The following GPR161 variants were observed in gnomAD, a reference collection of about 807,000 sequenced individuals.
GPR161 encodes the protein G protein-coupled receptor 161.
Under a neutral mutation model 39.2 loss-of-function variants are expected in GPR161, and 25 were observed. That is an observed-to-expected ratio of 0.64 (90% CI 0.47 to 0.89). The LOEUF (loss-of-function observed/expected upper bound fraction) is 0.89. Ranked by LOEUF, GPR161 falls within the 40% of genes least tolerant of loss-of-function variation. GPR161 has a pLI of 0.00. For synonymous variants in GPR161, 286 were observed against 276.6 expected, an observed-to-expected ratio of 1.03 and a Z score of -0.34; for missense variants, 547 against 677.8, an observed-to-expected ratio of 0.81 and a Z score of 2.14.
At chr1:168,099,323 T>TC (rs1167573817) in intron 2 of GPR161, among the ~76,000 whole-genome samples, 1 of 151,914 alleles carries the variant, frequency 6.6e-6, no homozygotes, top group Non-Finnish European at 1.5e-5. Flanking sequence ...TAGGAAGGTT[T>TC]CCTTCACTTT....
Position 168,082,488 on chromosome 1 carries a change from C to A in GPR161, c.*3043G>T, listed in dbSNP as rs1013235230. ...TTGGTGCCTCTGGCCAGGGAAATGG[C>A]TGTGTTGAGCTGTGTGTGTGCTCTG... On this transcript the variant is annotated 3_prime_UTR_variant, in exon 6 of 6. Coordinates refer to ENST00000682931, the MANE Select transcript of GPR161 (RefSeq NM_001375883.1). 5 of 152,278 alleles carry A rather than the reference C, an allele frequency of 3.3e-5. No individual in the cohort carries two copies. Among genetic ancestry groups the A allele is most frequent in the Non-Finnish European group, 5.9e-5 (4 of 68,106 alleles). 9.4% of individuals were successfully genotyped at this position (152,278 alleles called of 1,614,324 possible). A position where few individuals can be genotyped will look rare whatever the true frequency, so the allele number is the denominator to read the frequency against.
At chr1:168,130,142 G>A (rs770885012) in intron 1 of GPR161, among the ~76,000 whole-genome samples, 7 of 152,096 alleles carry the variant, frequency 4.6e-5, no homozygotes, top group Non-Finnish European at 1.0e-4. Flanking sequence ...TGCCCTCTGG[G>A]GCACTATTTC....
intron 1 of GPR161, among the ~76,000 whole-genome samples, chr1:168,115,780 T>G (rs1257977547): frequency 2.1e-5 from 3 of 146,134 alleles, no homozygotes; most frequent in Non-Finnish European, 4.5e-5. Flanking sequence ...CAGAGAAAAT[T>G]TTTTTTTTTT....
intron 1 of GPR161, among the ~76,000 whole-genome samples, chr1:168,134,146 T>C (rs1208527583): frequency 6.6e-6 from 1 of 152,234 alleles, no homozygotes; most frequent in Non-Finnish European, 1.5e-5. Context: ...TGACTTCAGA[T>C]AGTGCTCTTA....
At chr1:168,136,640 G>T (rs1699399975) in intron 1 of GPR161, 99 bp downstream of exon 1, 3 of 1,214,026 alleles carry the variant, frequency 2.5e-6, no homozygotes, top group Non-Finnish European at 3.1e-6. Flanking sequence ...CCCGGCCCGC[G>T]CCCTGAGCCC....
chr1:168,134,099 C>G (rs2102273016), intron 1 of GPR161, among the ~76,000 whole-genome samples: 1 of 152,300 alleles, frequency 6.6e-6, no homozygotes, highest in South Asian at 2.1e-4. Context: ...CCTAAGGTCA[C>G]AAGTTTATAA....
intron 1 of GPR161, among the ~76,000 whole-genome samples, chr1:168,118,964 T>C (rs1162634714): frequency 6.6e-6 from 1 of 151,760 alleles, no homozygotes; most frequent in Non-Finnish European, 1.5e-5. Flanking sequence ...GCAAAGAAAC[T>C]GCAACCCTTT....
At position 168,084,767 on chromosome 1, in the gene GPR161, A is replaced by T; in HGVS notation, c.*764T>A. The T allele has an allele frequency of 2.3e-6, 1 of 432,304 alleles. No homozygotes were observed. The highest frequency in any genetic ancestry group is 1.7e-5 in the South Asian group (1 of 60,448). The allele number at this position is 432,304 out of a possible 1,614,324, so 26.8% of individuals were successfully genotyped here. A position where few individuals can be genotyped will look rare whatever the true frequency, so the allele number is the denominator to read the frequency against. On this transcript the variant is annotated 3_prime_UTR_variant, in exon 6 of 6. Transcript: ENST00000682931. ...TAAAACAGTGGTACGTCTTAAATGG[A>T]TTTTTTTTTTAATTCTGGAAATGAA...
intron 1 of GPR161, chr1:168,133,829 T>C (rs1028522378): frequency 7.4e-5 from 39 of 529,518 alleles, no homozygotes; most frequent in South Asian, 1.6e-4. Context: ...ATGTAGGTAA[T>C]ACTTTTTTAT....
intron 1 of GPR161, among the ~76,000 whole-genome samples, chr1:168,132,134 G>A (rs918132554): frequency 4.6e-5 from 7 of 152,006 alleles, no homozygotes; most frequent in African/African-American, 7.3e-5. Context: ...GTGTGGTGGC[G>A]CACGCCTGTA....
Position 168,087,652 on chromosome 1 carries a change from A to C in GPR161, c.1257T>G (p.Ser419=). 6.2e-7 allele frequency: 1 copy of C among 1,613,946 alleles called. No individual in the cohort carries two copies. Among genetic ancestry groups the C allele is most frequent in the Non-Finnish European group, 8.5e-7 (1 of 1,179,824 alleles). Residue 419 remains serine (S), a synonymous_variant, in exon 5 of 6, where the codon TCT becomes TCG. Transcript: ENST00000682931. Reference sequence around the variant, plus strand: ...TTCTCTTGGGTGGGCAAGTGCAGTGAGAGGGAGGGTTGTCATCAGACGTGT... The same window carrying C: ...TTCTCTTGGGTGGGCAAGTGCAGTGCGAGGGAGGGTTGTCATCAGACGTGT... ...EDYTSDDNPP[S]HCTCPPKRRS...
chr1:168,133,885 C>G (rs1699173601), intron 1 of GPR161: 1 of 958,710 alleles, frequency 1.0e-6, no homozygotes, highest in African/African-American at 1.8e-5. Flanking sequence ...CCTATGTTTC[C>G]AGGCTTGGTG....
intron 1 of GPR161, among the ~76,000 whole-genome samples, chr1:168,123,724 T>C (rs894187512): frequency 2.6e-5 from 4 of 152,162 alleles, no homozygotes; most frequent in Non-Finnish European, 4.4e-5. Context: ...TCAAAGTCAA[T>C]GCTTGAAGGT....
intron 1 of GPR161, among the ~76,000 whole-genome samples, chr1:168,111,296 G>A (rs1293749032): frequency 6.6e-6 from 1 of 152,200 alleles, no homozygotes; most frequent in Non-Finnish European, 1.5e-5. Context: ...GTGCCTCAGA[G>A]AAGCCTGATC....
At chr1:168,100,565 G>A (rs969571222) in intron 2 of GPR161, among the ~76,000 whole-genome samples, 2 of 152,142 alleles carry the variant, frequency 1.3e-5, no homozygotes, top group African/African-American at 4.8e-5. Flanking sequence ...ATGTGGGAAG[G>A]GGCTTCCGAT....
In GPR161 at chr1:168,096,707, G is replaced by C. The variant is rs537492326; in HGVS notation, c.900C>G (p.Ser300=). 1 of 1,614,032 alleles carries C rather than the reference G, an allele frequency of 6.2e-7. No homozygotes were observed. The highest frequency in any genetic ancestry group is 8.5e-7 in the Non-Finnish European group (1 of 1,179,994). ...CCCAAGTCTCCAGGCTCGGGGAGAC[G>C]GAGCTTTTCCCCCAGAGGGCCTCAG... The part of the protein sequence containing the change: ...IASEALWGKS[S]VSPSLETWAT... Residue 300 remains serine (S), a synonymous_variant, in exon 3 of 6, where the codon TCC becomes TCG. Coordinates refer to ENST00000682931, the MANE Select transcript of GPR161 (RefSeq NM_001375883.1).
rs771609684 is a variant in GPR161 at position 168,134,904 on chromosome 1, A to G, written c.-45+1835T>C. 8 of 1,535,102 alleles carry G rather than the reference A, an allele frequency of 5.2e-6. No homozygotes were observed. In the South Asian group the frequency reaches 9.5e-5, roughly 18 times the overall value. On this transcript the variant is annotated intron_variant, in intron 1 of 5. Transcript: ENST00000682931. ...AGTGGAGTTTACACCACAGAACTGT[A>G]CCTCCTCTTGCTGACATTTAGGTCA...
intron 1 of GPR161, among the ~76,000 whole-genome samples, chr1:168,117,786 G>A (rs1697760991): frequency 6.6e-6 from 1 of 152,146 alleles, no homozygotes; most frequent in African/African-American, 2.4e-5. Context: ...CTACAAGGTT[G>A]AGCCTCACTG....
chr1:168,131,823 A>T (rs1699011925), intron 1 of GPR161, among the ~76,000 whole-genome samples: 1 of 152,246 alleles, frequency 6.6e-6, no homozygotes, highest in African/African-American at 2.4e-5. Flanking sequence ...GAAAAGGATT[A>T]AAGACCAGAA....
Sources: allele counts gnomAD v4.1 joint callset (sites outside exome capture counted in the v4.1 genomes callset), GRCh38; gene constraint gnomAD v4.1.1; transcripts MANE v1.5; gene names NCBI Gene and HGNC (gene_info 2026-07-23, HGNC 2026-07-21).